GRM4: variants seen among roughly 807,000 people sequenced by gnomAD.
GRM4 encodes the protein glutamate metabotropic receptor 4, also known as metabotropic glutamate receptor 4.
Under a neutral mutation model 81.7 loss-of-function variants are expected in GRM4, and 28 were observed. The ratio of observed to expected loss-of-function variants is 0.34; its 90% CI spans 0.25 to 0.47. The LOEUF is 0.47. GRM4 is among the 20% of genes least tolerant of loss of function. GRM4 has a pLI of 1.00. For missense variants in GRM4, 948 were observed against 1,290.0 expected, an observed-to-expected ratio of 0.73 and a Z score of 4.06; for synonymous variants, 488 against 528.8, an observed-to-expected ratio of 0.92 and a Z score of 1.06.
chr6:34,110,020 C>T lies in GRM4; in HGVS notation c.520-17921G>A, dbSNP rs564079949. On this transcript the variant is annotated intron_variant, in intron 2 of 10. Coordinates refer to ENST00000538487, the MANE Select transcript of GRM4 (RefSeq NM_000841.4). ...ACACGGGGGACACAGGTCACATGTT[C>T]AGGCACAACCGCCACTTAAACCATG... Among the ~76,000 whole-genome samples the T allele has an allele frequency of 4.6e-5, 7 of 152,304 alleles. No homozygotes were observed. In the South Asian group the frequency reaches 1.4e-3, roughly 32 times the overall value.
At chr6:34,131,094 G>A (rs1405603524) in intron 2 of GRM4, among the ~76,000 whole-genome samples, 1 of 152,196 alleles carries the variant, frequency 6.6e-6, no homozygotes, top group East Asian at 1.9e-4. Context: ...GGACAGCCCA[G>A]CCAGCTCCTC....
chr6:34,103,792 G>A (rs1045472593), intron 2 of GRM4: 58 of 1,446,060 alleles, frequency 4.0e-5, no homozygotes, highest in Non-Finnish European at 5.2e-5. Flanking sequence ...TCCTTTGTGA[G>A]CCTCAGTCTC....
chr6:34,116,809 A>G (rs1769617201), intron 2 of GRM4, among the ~76,000 whole-genome samples: 1 of 152,242 alleles, frequency 6.6e-6, no homozygotes, highest in Non-Finnish European at 1.5e-5. Flanking sequence ...AATTACCCAA[A>G]CAATGATACA....
At chr6:34,142,480 C>G (rs9380409) in intron 1 of GRM4, among the ~76,000 whole-genome samples, 1 of 152,026 alleles carries the variant, frequency 6.6e-6, no homozygotes, top group Admixed American at 6.6e-5. Flanking sequence ...ACACGTCTAT[C>G]GGCAGTAATT....
rs941857628 is a variant in GRM4, at chr6:34,121,888, C to A, written c.519+11090G>T. Among the ~76,000 whole-genome samples the A allele has an allele frequency of 6.6e-6, 1 of 152,056 alleles. No homozygotes were observed. The highest frequency in any genetic ancestry group is 2.4e-5 in the African/African-American group (1 of 41,414). ...ATCACCTTGTGCTGTTCCACCCTAC[C>A]CACAGGCAAGGAGAGCAGGGCCCTG... On this transcript the variant is annotated intron_variant, in intron 2 of 10. Transcript: ENST00000538487. This position sits in a 1 kb window ranked among gnomAD's most constrained non-coding sequence, Gnocchi z 4.6.
At chr6:34,030,455 G>A (rs1764357082) in intron 9 of GRM4, among the ~76,000 whole-genome samples, 1 of 152,196 alleles carries the variant, frequency 6.6e-6, no homozygotes, top group African/African-American at 2.4e-5. Flanking sequence ...TCTGGGCAGA[G>A]GAACCCTTGC....
In GRM4 at chr6:34,093,863, G is replaced by T. The variant is rs146270367; in HGVS notation, c.520-1764C>A. 1.9e-3 allele frequency among the ~76,000 whole-genome samples: 291 copies of T among 152,282 alleles called. 2 individuals are homozygous for T. Among genetic ancestry groups the T allele is most frequent in the African/African-American group, 6.3e-3 (261 of 41,556 alleles). Reference sequence around the variant, plus strand: ...ATGTGGTTAGGGCAAACAGTTAACTGGTTTTTTGGATTTTCTAAGCAACCA... The same window carrying T: ...ATGTGGTTAGGGCAAACAGTTAACTTGTTTTTTGGATTTTCTAAGCAACCA... On this transcript the variant is annotated intron_variant, in intron 2 of 10. Coordinates refer to ENST00000538487, the MANE Select transcript of GRM4 (RefSeq NM_000841.4).
In GRM4 at chr6:34,061,905, T is replaced by G. The variant is rs1335007371; in HGVS notation, c.860A>C (p.Glu287Ala). 1.2e-6 allele frequency: 2 copies of G among 1,612,496 alleles called. No homozygotes were observed. The highest frequency in any genetic ancestry group is 3.3e-4 in the Middle Eastern group (2 of 6,054). The change falls in exon 4 of 11, where the codon GAG becomes GCG. Residue 287 changes from glutamate (E) to alanine (A), a missense_variant. Physicochemically the swap from Glu to Ala is moderately radical, Grantham distance 107 (BLOSUM62 -1). Transcript: ENST00000538487. ...CACCTGCCCTCACCTGATGTCATCC[T>G]CGTTGGCAAAGATGATGACTGCCCT... ...NARAVIIFAN[E>A]DDIRRVLEAA...
rs9368794 is a variant in GRM4 at position 34,114,558 on chromosome 6, A to G, written c.519+18420T>C. Among the ~76,000 whole-genome samples the G allele has an allele frequency of 0.47, 71,225 of 151,160 alleles. 17,621 individuals carry two copies. Among genetic ancestry groups the G allele is most frequent in the Admixed American group, 0.56 (8,465 of 15,214 alleles). ...CCACCTTCTTGACCTAAGCCCCCCA[A>G]TTTCCTCCAGCCCCTCTCCACTCAC... On this transcript the variant is annotated intron_variant, in intron 2 of 10. Coordinates refer to ENST00000538487, the MANE Select transcript of GRM4 (RefSeq NM_000841.4). The surrounding 1 kb of genome is among the most constrained non-coding windows in gnomAD (Gnocchi z 4.3).
At chr6:34,139,458 C>G (rs1326792621) in intron 1 of GRM4, among the ~76,000 whole-genome samples, 4 of 152,226 alleles carry the variant, frequency 2.6e-5, no homozygotes, top group African/African-American at 9.6e-5. Flanking sequence ...CTCCAGCCTC[C>G]TCTCTGTGAA....
intron 2 of GRM4, among the ~76,000 whole-genome samples, chr6:34,127,864 CAT>C (rs1020331445): frequency 6.6e-6 from 1 of 152,188 alleles, no homozygotes; most frequent in Admixed American, 6.5e-5. Context: ...AGTGAAAACA[CAT>C]AAAGACACAA....
chr6:34,137,750 AT>A (rs5875495), intron 1 of GRM4, among the ~76,000 whole-genome samples: 36,531 of 103,660 alleles, frequency 0.35, 5,449 homozygotes, highest in Admixed American at 0.45. Flanking sequence ...TGCCCACATA[AT>A]TTTTTTTTTT....
chr6:34,112,517 GCTGGGGGGACTCA>G (rs1769427650), intron 2 of GRM4, among the ~76,000 whole-genome samples: 1 of 152,182 alleles, frequency 6.6e-6, no homozygotes, highest in Non-Finnish European at 1.5e-5. Flanking sequence ...ATCTGATGCA[GCTGGGGGGACTCA>G]CCAGTTTCTC....
rs370298804 is a variant in GRM4 at position 34,036,279 on chromosome 6, G to A, written c.1831C>T (p.Arg611Cys). The change falls in exon 9 of 11, where the codon CGC (arginine) becomes TGC (cysteine). Residue 611 changes from arginine to cysteine, a missense_variant. Transcript: ENST00000538487. The surrounding 1 kb of genome is among the most constrained non-coding windows in gnomAD (Gnocchi z 9.0). ...TTGACGATGGGCGTGTCGTTGTAGC[G>A]CACAAAGGTGATCACCACGAACAAC... ...ATLFVVITFV[R>C]YNDTPIVKAS... is the part of the protein sequence containing the mutation. 1.1e-5 allele frequency: 18 copies of A among 1,613,966 alleles called. No homozygotes were observed. The highest frequency in any genetic ancestry group is 1.4e-5 in the Non-Finnish European group (16 of 1,179,974).
At chr6:34,148,437 GACACAC>G (rs370422279), upstream of GRM4, among the ~76,000 whole-genome samples, 5 of 151,654 alleles carry the variant, frequency 3.3e-5, 1 homozygote, top group East Asian at 7.8e-4. Flanking sequence ...CACACTGAGA[GACACAC>G]ACACACACAC....
chr6:34,038,499 C>G (rs576111707), intron 8 of GRM4, among the ~76,000 whole-genome samples: 2 of 152,320 alleles, frequency 1.3e-5, no homozygotes, highest in South Asian at 4.1e-4. Flanking sequence ...ACTACACAGG[C>G]AAGAAGGTCC....
intron 6 of GRM4, among the ~76,000 whole-genome samples, chr6:34,044,944 A>G (rs1765295099): frequency 1.3e-5 from 2 of 151,590 alleles, no homozygotes; most frequent in South Asian, 4.2e-4. Context: ...ACACACACAT[A>G]GACATACATA....
intron 3 of GRM4, among the ~76,000 whole-genome samples, chr6:34,073,448 CACAG>C (rs764299283): frequency 4.0e-5 from 6 of 151,068 alleles, no homozygotes; most frequent in Non-Finnish European, 8.9e-5. Context: ...TCATACCACA[CACAG>C]AAACACATCC....
upstream of GRM4, among the ~76,000 whole-genome samples, chr6:34,150,534 G>A (rs1179755498): frequency 1.3e-5 from 2 of 152,098 alleles, no homozygotes; most frequent in Admixed American, 6.5e-5. Context: ...TGAAGGAGAC[G>A]AGTGGTCCAA....
Sources: allele counts gnomAD v4.1 joint callset (sites outside exome capture counted in the v4.1 genomes callset), GRCh38; gene constraint gnomAD v4.1.1; non-coding constraint Gnocchi (gnomAD v3.1); transcripts MANE v1.5; gene names NCBI Gene and HGNC (gene_info 2026-07-23, HGNC 2026-07-21).